The following FOXI2 variants were observed in gnomAD, a reference collection of about 807,000 sequenced individuals.
The protein encoded by FOXI2 is forkhead box I2, also known as forkhead box protein I2.
In FOXI2, 17 loss-of-function variants were observed where a neutral mutation model predicts 14.3. The ratio of observed to expected loss-of-function variants is 1.19; its 90% confidence interval spans 0.81 to 1.78. The LOEUF (loss-of-function observed/expected upper bound fraction) is 1.78. Among genes scored for constraint, FOXI2 ranks in the 40% most tolerant of loss-of-function variants. FOXI2 has a pLI of 0.00. For missense variants in FOXI2, 541 were observed against 460.0 expected (o/e 1.18, Z -1.61); for synonymous variants, 240 against 218.8 (o/e 1.10, Z -0.85).
At position 127,738,757 on chromosome 10, in the gene FOXI2, C is replaced by G. The variant is rs1277104584; in HGVS notation, c.749C>G (p.Ser250Cys). Residue 250 changes from serine (S) to cysteine (C), a missense_variant, in exon 2 of 2, where the codon TCT becomes TGT. Physicochemically the swap from Ser to Cys is moderately radical, Grantham distance 112. Coordinates refer to ENST00000388920, the MANE Select transcript of FOXI2 (RefSeq NM_207426.3). ...GCCACCTGCTTCTCCGGTTTCGCTTCTGCTATGAGCGCTCTGGCTGGCGGC... is the reference window on the plus strand; with the variant it reads ...GCCACCTGCTTCTCCGGTTTCGCTTGTGCTATGAGCGCTCTGGCTGGCGGC... ...EAATCFSGFA[S>C]AMSALAGGLG... The G allele has an allele frequency of 6.2e-7, 1 of 1,604,382 alleles. No homozygotes were observed. The highest frequency in any genetic ancestry group is 1.7e-5 in the Admixed American group (1 of 59,302).
chr10:127,739,857 CCACACTCACACCCACACT>C lies in FOXI2; in HGVS notation c.*898_*915del, dbSNP rs1564749126. The stretch of plus-strand genomic sequence containing the variant: ...CCCACACTCACACTCACACTCACAC[CCACACTCACACCCACACT>C]CACACCCACACCCACACCCACACTC... On this transcript the variant is annotated 3_prime_UTR_variant, in exon 2 of 2. Transcript: ENST00000388920. 3.3e-4 allele frequency: 10 copies of C among 30,672 alleles called. 2 individuals carry two copies. Among genetic ancestry groups the C allele is most frequent in the Admixed American group, 1.0e-3 (3 of 2,984 alleles). The allele number at this position is 30,672 out of a possible 1,614,324, so 1.9% of individuals were successfully genotyped here. A position where few individuals can be genotyped will look rare whatever the true frequency, so the allele number is the denominator to read the frequency against.
rs1279231866 is a variant in FOXI2 at position 127,739,118 on chromosome 10, G to A, written c.*153G>A. The A allele has an allele frequency of 4.5e-6, 3 of 668,882 alleles. No homozygotes were observed. The highest frequency in any genetic ancestry group is 7.4e-6 in the Non-Finnish European group (3 of 405,786). 41.4% of individuals were successfully genotyped at this position (668,882 alleles called of 1,614,324 possible). Reference sequence around the variant, plus strand: ...GGGCGGCTCGGCCAGCAGGGAGCTGGGCTGAGCGGCTCTTGGGCTTTGGGG... The same window carrying A: ...GGGCGGCTCGGCCAGCAGGGAGCTGAGCTGAGCGGCTCTTGGGCTTTGGGG... On this transcript the variant is annotated 3_prime_UTR_variant, in exon 2 of 2. Coordinates refer to ENST00000388920, the MANE Select transcript of FOXI2 (RefSeq NM_207426.3).
chr10:127,739,780 C>T lies in FOXI2; in HGVS notation c.*815C>T, dbSNP rs1846471466. ...GGTCCAGGTTTGTGCCACCCACACC[C>T]ACACTCACACCCACACTCACACCCA... On this transcript the variant is annotated 3_prime_UTR_variant, in exon 2 of 2. Transcript: ENST00000388920. 6.7e-6 allele frequency: 1 copy of T among 150,312 alleles called. No individual in the cohort carries two copies. Among genetic ancestry groups the T allele is most frequent in the South Asian group, 2.1e-4 (1 of 4,770 alleles). The allele number at this position is 150,312 out of a possible 1,614,324, so 9.3% of individuals were successfully genotyped here.
rs1412074171 is a variant in FOXI2, at chr10:127,739,797, T to TCACACTCACACCCACACCCACACC, written c.*837_*838insTCACACCCACACCCACACCCACAC. 3.9e-5 allele frequency: 4 copies of TCACACTCACACCCACACCCACACC among 103,072 alleles called. No individual in the cohort carries two copies. Among genetic ancestry groups the TCACACTCACACCCACACCCACACC allele is most frequent in the South Asian group, 3.7e-4 (1 of 2,700 alleles). 6.4% of individuals were successfully genotyped at this position (103,072 alleles called of 1,614,324 possible). A position where few individuals can be genotyped will look rare whatever the true frequency, so the allele number is the denominator to read the frequency against. ...CCCACACCCACACTCACACCCACAC[T>TCACACTCACACCCACACCCACACC]CACACCCACACTCACACCCACACCC... On this transcript the variant is annotated 3_prime_UTR_variant, in exon 2 of 2. Coordinates refer to ENST00000388920, the MANE Select transcript of FOXI2 (RefSeq NM_207426.3).
Position 127,738,691 on chromosome 10 carries a change from T to C in FOXI2, c.683T>C (p.Leu228Pro), listed in dbSNP as rs897398558. 5.6e-6 allele frequency: 9 copies of C among 1,596,716 alleles called. No individual in the cohort carries two copies. Among genetic ancestry groups the C allele is most frequent in the Non-Finnish European group, 7.7e-6 (9 of 1,172,122 alleles). The change falls in exon 2 of 2, where the codon CTG (leucine) becomes CCG (proline). Residue 228 changes from leucine to proline, a missense_variant. Physicochemically the swap from Leu to Pro is moderately conservative, Grantham distance 98. Transcript: ENST00000388920. ...CTGGAGCCCCCGAGCGCGGCTTGCC[T>C]GGACCTGCAGGCCTCGCCCTCTCCA... ...PALEPPSAAC[L>P]DLQASPSPSA...
rs1295660757 is a variant in FOXI2, at chr10:127,740,207, A to G, written c.*1242A>G. 1 of 151,050 alleles carries G rather than the reference A, an allele frequency of 6.6e-6. No individual in the cohort carries two copies. Among genetic ancestry groups the G allele is most frequent in the Admixed American group, 6.6e-5 (1 of 15,160 alleles). 9.4% of individuals were successfully genotyped at this position (151,050 alleles called of 1,614,324 possible). A position where few individuals can be genotyped will look rare whatever the true frequency, so the allele number is the denominator to read the frequency against. ...CACCCACACCCACACCCACACCCAC[A>G]CCCACACCCACACTCACACAGGCTC... On this transcript the variant is annotated 3_prime_UTR_variant, in exon 2 of 2. Transcript: ENST00000388920.
At chr10:127,738,173 G>A (rs1846442249) in intron 1 of FOXI2, among the ~76,000 whole-genome samples, 1 of 152,216 alleles carries the variant, frequency 6.6e-6, no homozygotes, top group African/African-American at 2.4e-5. Context: ...TGCCCGTTTG[G>A]AAAGCTCTGG....
At position 127,739,839 on chromosome 10, in the gene FOXI2, T is replaced by TCACACCCACACCCACACTCACACC. The variant is rs879181914; in HGVS notation, c.*879_*880insCCACACCCACACTCACACCCACAC. ...CCCACACCCACACCCACACCCACAC[T>TCACACCCACACCCACACTCACACC]CACACTCACACTCACACCCACACTC... On this transcript the variant is annotated 3_prime_UTR_variant, in exon 2 of 2. Coordinates refer to ENST00000388920, the MANE Select transcript of FOXI2 (RefSeq NM_207426.3). 4.0e-5 allele frequency: 3 copies of TCACACCCACACCCACACTCACACC among 74,228 alleles called. 1 individual carries two copies. Among genetic ancestry groups the TCACACCCACACCCACACTCACACC allele is most frequent in the African/African-American group, 1.9e-4 (3 of 15,572 alleles). 4.6% of individuals were successfully genotyped at this position (74,228 alleles called of 1,614,324 possible). A position where few individuals can be genotyped will look rare whatever the true frequency, so the allele number is the denominator to read the frequency against.
chr10:127,739,911 A>T lies in FOXI2; in HGVS notation c.*946A>T, dbSNP rs1466515439. 3 of 13,824 alleles carry T rather than the reference A, an allele frequency of 2.2e-4. No homozygotes were observed. The highest frequency in any genetic ancestry group is 3.4e-3 in the Admixed American group (2 of 594). The allele number at this position is 13,824 out of a possible 1,614,324, so 0.9% of individuals were successfully genotyped here. ...CCCACACCCACACTCACACACACTC[A>T]CACCCACACCCACACTCACACCCAC... On this transcript the variant is annotated 3_prime_UTR_variant, in exon 2 of 2. Transcript: ENST00000388920.
At position 127,737,360 on chromosome 10, in the gene FOXI2, AG is replaced by A. The variant is rs1846428758; in HGVS notation, c.91del (p.Asp31IlefsTer13). 2 of 1,413,972 alleles carry A rather than the reference AG, an allele frequency of 1.4e-6. No homozygotes were observed. The highest frequency in any genetic ancestry group is 1.8e-6 in the Non-Finnish European group (2 of 1,099,006). 87.6% of individuals were successfully genotyped at this position (1,413,972 alleles called of 1,614,324 possible). On this transcript the variant is annotated frameshift_variant, in exon 1 of 2. Transcript: ENST00000388920. LOFTEE classifies it high-confidence loss of function. ...CCGCGCACCCCCCGGGCTATGAGCC[AG>A]GGGATCTGGGCGCGGTGGGCGGGGG... ...ATAHPPGYEP[G>X]DLGAVGGGPL...
Position 127,737,294 on chromosome 10 carries a change from C to A in FOXI2, c.21C>A (p.Asp7Glu). The A allele has an allele frequency of 6.8e-7, 1 of 1,469,084 alleles. No homozygotes were observed. The highest frequency in any genetic ancestry group is 8.9e-7 in the Non-Finnish European group (1 of 1,121,114). 91.0% of individuals were successfully genotyped at this position (1,469,084 alleles called of 1,614,324 possible). A position where few individuals can be genotyped will look rare whatever the true frequency, so the allele number is the denominator to read the frequency against. Residue 7 changes from aspartate (D) to glutamate (E), a missense_variant, in exon 1 of 2, where the codon GAC becomes GAA. By Grantham distance (45) the Asp-to-Glu change is conservative. Coordinates refer to ENST00000388920, the MANE Select transcript of FOXI2 (RefSeq NM_207426.3). Reference sequence around the variant, plus strand: ...TGGACATGGCCACCTACTGCGACGACCTGGGCCCCTCCTCGGCCCCGCCCG... The same window carrying A: ...TGGACATGGCCACCTACTGCGACGAACTGGGCCCCTCCTCGGCCCCGCCCG... The part of the protein sequence containing the change: MATYCD[D>E]LGPSSAPPGQ...
chr10:127,739,023 T>A lies in FOXI2; in HGVS notation c.*58T>A. ...AGAGGTGCTGAGCTCAGGCCTCCGG[T>A]TTCCCCTGGTGACAGCCCCACGTGT... On this transcript the variant is annotated 3_prime_UTR_variant, in exon 2 of 2. Coordinates refer to ENST00000388920, the MANE Select transcript of FOXI2 (RefSeq NM_207426.3). 1 of 1,451,182 alleles carries A rather than the reference T, an allele frequency of 6.9e-7. No individual in the cohort carries two copies. The highest frequency in any genetic ancestry group is 9.3e-7 in the Non-Finnish European group (1 of 1,072,594). 89.9% of individuals were successfully genotyped at this position (1,451,182 alleles called of 1,614,324 possible). A position where few individuals can be genotyped will look rare whatever the true frequency, so the allele number is the denominator to read the frequency against.
chr10:127,737,414 G>A lies in FOXI2; in HGVS notation c.141G>A (p.Ala47=). 1 of 1,382,820 alleles carries A rather than the reference G, an allele frequency of 7.2e-7. No individual in the cohort carries two copies. Among genetic ancestry groups the A allele is most frequent in the Non-Finnish European group, 9.2e-7 (1 of 1,081,826 alleles). The allele number at this position is 1,382,820 out of a possible 1,614,324, so 85.7% of individuals were successfully genotyped here. A position where few individuals can be genotyped will look rare whatever the true frequency, so the allele number is the denominator to read the frequency against. The part of the protein sequence containing the change: ...GGPLLWVNAP[A]LSPKSYASGP... Reference sequence around the variant, plus strand: ...CCCTCCTGTGGGTGAACGCGCCAGCGCTCAGCCCCAAGTCCTACGCTTCGG... The same window carrying A: ...CCCTCCTGTGGGTGAACGCGCCAGCACTCAGCCCCAAGTCCTACGCTTCGG... The change falls in exon 1 of 2, where the codon GCG becomes GCA. Residue 47 remains alanine, a synonymous_variant. Transcript: ENST00000388920.
rs1846487990 is a variant in FOXI2, at chr10:127,739,946, CACCCACACACACCCACACTCAT to C, written c.*984_*1005del. 1.9e-5 allele frequency: 1 copy of C among 53,310 alleles called. No individual in the cohort carries two copies. Among genetic ancestry groups the C allele is most frequent in the East Asian group, 4.8e-4 (1 of 2,102 alleles). The allele number at this position is 53,310 out of a possible 1,614,324, so 3.3% of individuals were successfully genotyped here. A position where few individuals can be genotyped will look rare whatever the true frequency, so the allele number is the denominator to read the frequency against. On this transcript the variant is annotated 3_prime_UTR_variant, in exon 2 of 2. Transcript: ENST00000388920. ...CCACACTCACACCCACACACACTCA[CACCCACACACACCCACACTCAT>C]ACTCACACTCACACCCACACTCACA...
At chr10:127,737,890 C>A in intron 1 of FOXI2, 106 bp downstream of exon 1, 1 of 1,491,216 alleles carries the variant, frequency 6.7e-7, no homozygotes. Flanking sequence ...TTTCTCCCTG[C>A]GCGGTTGGGG....
rs1846491124 is a variant in FOXI2, at chr10:127,739,977, T to TCACAC, written c.*1014_*1018dup. ...CACACACCCACACTCATACTCACACTCACACCCACACTCACACCACACCCA... is the reference window on the plus strand; with the variant it reads ...CACACACCCACACTCATACTCACACTCACACCACACCCACACTCACACCACACCCA... On this transcript the variant is annotated 3_prime_UTR_variant, in exon 2 of 2. Transcript: ENST00000388920. 4 of 10,074 alleles carry TCACAC rather than the reference T, an allele frequency of 4.0e-4. No homozygotes were observed. Among genetic ancestry groups the TCACAC allele is most frequent in the Non-Finnish European group, 5.3e-4 (2 of 3,786 alleles). 0.6% of individuals were successfully genotyped at this position (10,074 alleles called of 1,614,324 possible).
In FOXI2 at chr10:127,737,705, G is replaced by A. The variant is rs912846721; in HGVS notation, c.432G>A (p.Ala144=). 1 of 1,608,048 alleles carries A rather than the reference G, an allele frequency of 6.2e-7. No individual in the cohort carries two copies. The highest frequency in any genetic ancestry group is 8.5e-7 in the Non-Finnish European group (1 of 1,177,210). The change falls in exon 1 of 2, where the codon GCG becomes GCA. Residue 144 remains alanine (A), a synonymous_variant. Transcript: ENST00000388920. ...GNFPFYKRSK[A]GWQNSIRHNL... ...TCCCTTTCTACAAGCGCAGCAAGGC[G>A]GGCTGGCAGAACTCCATCCGCCACA...
chr10:127,739,900 CACACACACT>C lies in FOXI2; in HGVS notation c.*936_*944del, dbSNP rs1846483590. On this transcript the variant is annotated 3_prime_UTR_variant, in exon 2 of 2. Coordinates refer to ENST00000388920, the MANE Select transcript of FOXI2 (RefSeq NM_207426.3). ...TCACACCCACACCCACACCCACACTCACACACACTCACACCCACACCCACACTCACACCC... is the reference window on the plus strand; with the variant it reads ...TCACACCCACACCCACACCCACACTCCACACCCACACCCACACTCACACCC... 6.8e-5 allele frequency: 3 copies of C among 44,346 alleles called. No homozygotes were observed. The highest frequency in any genetic ancestry group is 4.0e-3 in the East Asian group (2 of 506). The allele number at this position is 44,346 out of a possible 1,614,324, so 2.7% of individuals were successfully genotyped here. A position where few individuals can be genotyped will look rare whatever the true frequency, so the allele number is the denominator to read the frequency against.
Sources: gnomAD v4.1 joint callset for allele counts (sites outside exome capture counted in the v4.1 genomes callset) on GRCh38, gnomAD v4.1.1 for gene constraint, MANE v1.5 for transcripts, NCBI Gene and HGNC (gene_info 2026-07-23, HGNC 2026-07-21) for gene names.